Variants in ICA1 observed in about 807,000 individuals in gnomAD.
The protein encoded by ICA1 is islet cell autoantigen 1.
In ICA1, 40 loss-of-function variants were observed where a neutral mutation model predicts 71.0. The ratio of observed to expected loss-of-function variants is 0.56; its 90% CI spans 0.44 to 0.73. The LOEUF (loss-of-function observed/expected upper bound fraction) is 0.73, where lower values mean the gene tolerates loss of function less well. Ranked by LOEUF, ICA1 falls within the 30% of genes least tolerant of loss-of-function variation. The probability of loss-of-function intolerance (pLI) is 0.00; values close to 1 mark genes in which losing one functional copy is unlikely to be tolerated. For missense variants in ICA1, 578 were observed against 576.5 expected (o/e 1.00, Z -0.03); for synonymous variants, 207 against 209.5 (o/e 0.99, Z 0.10).
chr7:8,120,465 A>G (rs894819661), intron 13 of ICA1, among the ~76,000 whole-genome samples: 1 of 152,196 alleles, frequency 6.6e-6, no homozygotes, highest in African/African-American at 2.4e-5. Context: ...TCAGGAAAAA[A>G]TGCTATGTAA....
At chr7:8,215,839 C>G (rs1795238145) in intron 6 of ICA1, among the ~76,000 whole-genome samples, 1 of 152,186 alleles carries the variant, frequency 6.6e-6, no homozygotes, top group Non-Finnish European at 1.5e-5. Flanking sequence ...CCCACAGTCA[C>G]TCCTGAGGAG....
At chr7:8,241,351 A>T (rs1803802958) in intron 1 of ICA1, among the ~76,000 whole-genome samples, 2 of 152,252 alleles carry the variant, frequency 1.3e-5, no homozygotes, top group Non-Finnish European at 2.9e-5. Flanking sequence ...AATCCTTTAC[A>T]GAAAAGCAAA....
chr7:8,190,814 G>A (rs3807828), intron 6 of ICA1, among the ~76,000 whole-genome samples: 14,595 of 152,206 alleles, frequency 0.096, 878 homozygotes, highest in Non-Finnish European at 0.14. Flanking sequence ...CAAAGTTCAC[G>A]GTTACATGTG....
At chr7:8,125,058 G>A (rs1788636836) in intron 13 of ICA1, among the ~76,000 whole-genome samples, 1 of 152,044 alleles carries the variant, frequency 6.6e-6, no homozygotes, top group Admixed American at 6.6e-5. Context: ...TAAAGTGCTG[G>A]GATTACAGGT....
Position 8,113,885 on chromosome 7 carries a change from G to A in ICA1, c.*38C>T, listed in dbSNP as rs1239145439. ...TCTGCTAGCCCCCAGGGGAGCTGCTGGGGGCGGCATGTGAGTGCCCTCCCG... is the reference window on the plus strand; with the variant it reads ...TCTGCTAGCCCCCAGGGGAGCTGCTAGGGGCGGCATGTGAGTGCCCTCCCG... On this transcript the variant is annotated 3_prime_UTR_variant, in exon 14 of 14. Transcript: ENST00000402384. The surrounding 1 kb of genome is among the most constrained non-coding windows in gnomAD (Gnocchi z 4.2). 1.2e-6 allele frequency: 2 copies of A among 1,611,940 alleles called. No individual in the cohort carries two copies. The highest frequency in any genetic ancestry group is 1.7e-6 in the Non-Finnish European group (2 of 1,178,110).
intron 6 of ICA1, among the ~76,000 whole-genome samples, chr7:8,199,154 G>C (rs1009387166): frequency 6.6e-6 from 1 of 152,200 alleles, no homozygotes; most frequent in African/African-American, 2.4e-5. Context: ...AACCATTGTG[G>C]AGAACTGTCT....
intron 6 of ICA1, among the ~76,000 whole-genome samples, chr7:8,169,432 T>C (rs1807437860): frequency 6.6e-6 from 1 of 152,130 alleles, no homozygotes; most frequent in Non-Finnish European, 1.5e-5. Flanking sequence ...TTATAAGACA[T>C]TGCCAAACCA....
chr7:8,213,509 C>G (rs937158325), intron 6 of ICA1, among the ~76,000 whole-genome samples: 1 of 152,192 alleles, frequency 6.6e-6, no homozygotes, highest in African/African-American at 2.4e-5. Flanking sequence ...AAAGGAAAGG[C>G]CTTCGTCCTA....
chr7:8,227,598 T>C (rs1380376923), intron 4 of ICA1: 1 of 392,542 alleles, frequency 2.5e-6, no homozygotes, highest in Non-Finnish European at 4.9e-6. Context: ...TTTCCTGAAG[T>C]AGTTGTCTTT....
At chr7:8,227,605 C>CTTTTTTT in intron 4 of ICA1, 4 of 311,894 alleles carry the variant, frequency 1.3e-5, no homozygotes, top group South Asian at 5.2e-5. Flanking sequence ...AAGTAGTTGT[C>CTTTTTTT]TTTTTTTTTT....
chr7:8,216,722 C>CT (rs1166807979), intron 6 of ICA1, among the ~76,000 whole-genome samples: 2 of 152,004 alleles, frequency 1.3e-5, no homozygotes, highest in African/African-American at 2.4e-5. Flanking sequence ...TATGAAAGGC[C>CT]TTTTTCAATT....
intron 10 of ICA1, among the ~76,000 whole-genome samples, chr7:8,140,051 G>A (rs1203783453): frequency 6.6e-6 from 1 of 152,182 alleles, no homozygotes; most frequent in Non-Finnish European, 1.5e-5. Context: ...CAAGGAACGA[G>A]AGAAAATTTG....
At chr7:8,140,311 G>A (rs1794782605) in intron 10 of ICA1, among the ~76,000 whole-genome samples, 1 of 152,108 alleles carries the variant, frequency 6.6e-6, no homozygotes, top group Non-Finnish European at 1.5e-5. Flanking sequence ...TTCTCCTCCT[G>A]CCACTCGCTC....
chr7:8,227,262 A>T (rs1798876195), intron 4 of ICA1, among the ~76,000 whole-genome samples: 1 of 152,196 alleles, frequency 6.6e-6, no homozygotes, highest in African/African-American at 2.4e-5. Context: ...AATAGGCTAG[A>T]GAAAGCAGAG....
intron 1 of ICA1, among the ~76,000 whole-genome samples, chr7:8,243,468 A>T (rs913303759): frequency 3.9e-5 from 6 of 152,180 alleles, no homozygotes; most frequent in South Asian, 2.1e-4. Context: ...TCATACTGAA[A>T]GGGCAAAAAC....
At chr7:8,219,318 T>A (rs1020103283) in intron 5 of ICA1, among the ~76,000 whole-genome samples, 1 of 152,258 alleles carries the variant, frequency 6.6e-6, no homozygotes, top group East Asian at 1.9e-4. Flanking sequence ...CTCTTCTTCA[T>A]GAAGTTTCAG....
chr7:8,219,747 A>C (rs963247959), intron 5 of ICA1, among the ~76,000 whole-genome samples: 5 of 152,232 alleles, frequency 3.3e-5, no homozygotes, highest in African/African-American at 1.2e-4. Context: ...TAAGTCTGTA[A>C]AACAAACACT....
chr7:8,124,341 G>A (rs1003041692), intron 13 of ICA1, among the ~76,000 whole-genome samples: 3 of 151,112 alleles, frequency 2.0e-5, no homozygotes, highest in African/African-American at 4.9e-5. Context: ...TGATGGTCTC[G>A]ACCTCTTGAC....
chr7:8,236,494 T>C (rs1269655840), intron 1 of ICA1, among the ~76,000 whole-genome samples: 2 of 152,220 alleles, frequency 1.3e-5, no homozygotes, highest in Non-Finnish European at 2.9e-5. Flanking sequence ...ATATTGCATC[T>C]GTATGCCTCC....
Sources: allele counts gnomAD v4.1 joint callset (sites outside exome capture counted in the v4.1 genomes callset), GRCh38; gene constraint gnomAD v4.1.1; non-coding constraint Gnocchi (gnomAD v3.1); transcripts MANE v1.5; gene names NCBI Gene and HGNC (gene_info 2026-07-23, HGNC 2026-07-21).